The following GRID2 variants were observed in gnomAD, a reference collection of about 807,000 sequenced individuals.
The protein encoded by GRID2 is glutamate ionotropic receptor delta type subunit 2, also known as glutamate receptor ionotropic, delta-2.
A neutral mutation model predicts 114.8 loss-of-function variants in GRID2; 33 were observed. That is an observed-to-expected ratio of 0.29 (90% confidence interval 0.22 to 0.38). GRID2 has a LOEUF of 0.38. Among genes scored for constraint, GRID2 ranks in the 10% least tolerant of loss-of-function variants. The pLI is 1.00. For missense variants in GRID2, 1,184 were observed against 1,257.7 expected (o/e 0.94, Z 0.89); for synonymous variants, 505 against 449.9 (o/e 1.12, Z -1.55).
chr4:92,378,606 T>C (rs1729466573), intron 1 of GRID2, among the ~76,000 whole-genome samples: 1 of 152,076 alleles, frequency 6.6e-6, no homozygotes, highest in South Asian at 2.1e-4. Flanking sequence ...GCACACAACA[T>C]GCACACACCC....
chr4:92,487,744 T>C (rs1722962824), intron 1 of GRID2, among the ~76,000 whole-genome samples: 1 of 142,412 alleles, frequency 7.0e-6, no homozygotes, highest in Admixed American at 6.9e-5. Flanking sequence ...TTTTAAATTG[T>C]TGTGGGTTTT....
chr4:92,917,693 T>G (rs529631063), intron 2 of GRID2, among the ~76,000 whole-genome samples: 15 of 152,336 alleles, frequency 9.8e-5, no homozygotes, highest in African/African-American at 3.4e-4. Context: ...GACTCTCTTC[T>G]GTACCATTGG....
chr4:92,455,591 T>C lies in GRID2; in HGVS notation c.89-134540T>C, dbSNP rs576145092. ...GGAAGAGCGTTCTGGTGAGCAGGAA[T>C]AGAAACATGGAAGAATGCTCTGAAA... On this transcript the variant is annotated intron_variant, in intron 1 of 15. Coordinates refer to ENST00000282020, the MANE Select transcript of GRID2 (RefSeq NM_001510.4). Among the ~76,000 whole-genome samples, 5 of 152,158 alleles carry C rather than the reference T, an allele frequency of 3.3e-5. No individual in the cohort carries two copies. In the East Asian group the frequency reaches 9.7e-4, roughly 29 times the overall value.
At chr4:93,123,962 TG>T (rs1734027606) in intron 4 of GRID2, among the ~76,000 whole-genome samples, 2 of 57,390 alleles carry the variant, frequency 3.5e-5, no homozygotes, top group Admixed American at 2.3e-4. Flanking sequence ...AATTTGAGGT[TG>T]GGGGAGGGGG....
intron 11 of GRID2, among the ~76,000 whole-genome samples, chr4:93,474,743 C>A (rs764781639): frequency 1.3e-5 from 2 of 152,056 alleles, no homozygotes; most frequent in Non-Finnish European, 2.9e-5. Context: ...CCTATGATAG[C>A]CTGTGATCAT....
intron 2 of GRID2, among the ~76,000 whole-genome samples, chr4:92,694,068 G>C (rs1734314213): frequency 6.6e-6 from 1 of 152,180 alleles, no homozygotes; most frequent in South Asian, 2.1e-4. Flanking sequence ...AAGAATACAA[G>C]CATACAAAAC....
intron 13 of GRID2, among the ~76,000 whole-genome samples, chr4:93,516,287 A>G (rs1729724211): frequency 6.6e-6 from 1 of 152,126 alleles, no homozygotes; most frequent in African/African-American, 2.4e-5. Flanking sequence ...CCTAGAGGAT[A>G]TTTTGATGAC....
At chr4:92,803,571 T>C (rs895378805) in intron 2 of GRID2, among the ~76,000 whole-genome samples, 1 of 152,016 alleles carries the variant, frequency 6.6e-6, no homozygotes, top group Non-Finnish European at 1.5e-5. Flanking sequence ...AACCAATCTT[T>C]GTATCTCCTC....
chr4:92,463,425 C>A (rs1441298421), intron 1 of GRID2, among the ~76,000 whole-genome samples: 1 of 151,900 alleles, frequency 6.6e-6, no homozygotes, highest in Non-Finnish European at 1.5e-5. Flanking sequence ...AACAATTTAA[C>A]TAAATTAGGC....
chr4:93,442,990 A>G (rs1241674780), intron 10 of GRID2, among the ~76,000 whole-genome samples: 2 of 152,006 alleles, frequency 1.3e-5, no homozygotes, highest in African/African-American at 4.8e-5. Flanking sequence ...CGCCTTATAT[A>G]CAATGCATCA....
At chr4:93,184,029 C>T (rs1170774806) in intron 4 of GRID2, among the ~76,000 whole-genome samples, 1 of 152,084 alleles carries the variant, frequency 6.6e-6, no homozygotes, top group African/African-American at 2.4e-5. Context: ...AGAAAAGGAG[C>T]AGTAACTGTG....
At chr4:93,091,024 C>A (rs1420209303) in intron 3 of GRID2, among the ~76,000 whole-genome samples, 1 of 152,110 alleles carries the variant, frequency 6.6e-6, no homozygotes, top group Non-Finnish European at 1.5e-5. Flanking sequence ...CTTGAAATCT[C>A]TTTTTGTAAA....
chr4:93,320,250 G>C (rs1757073590), intron 8 of GRID2, among the ~76,000 whole-genome samples: 1 of 152,026 alleles, frequency 6.6e-6, no homozygotes, highest in African/African-American at 2.4e-5. Flanking sequence ...ATGATTATTG[G>C]CATAAAAAAG....
chr4:92,464,998 TC>T (rs1030056830), intron 1 of GRID2, among the ~76,000 whole-genome samples: 8 of 152,110 alleles, frequency 5.3e-5, no homozygotes, highest in Non-Finnish European at 8.8e-5. Flanking sequence ...ACTCTCTCTC[TC>T]TTGCTCTGCC....
intron 2 of GRID2, among the ~76,000 whole-genome samples, chr4:92,981,137 GTGTCATTTTAAAATACTTCCAGTA>G (rs1754183506): frequency 6.6e-6 from 1 of 151,914 alleles, no homozygotes; most frequent in South Asian, 2.1e-4. Flanking sequence ...TGTATCTTTG[GTGTCATTTTAAAATACTTCCAGTA>G]TGTATGTATA....
intron 1 of GRID2, among the ~76,000 whole-genome samples, chr4:92,432,021 A>G (rs564468695): frequency 2.6e-5 from 4 of 152,326 alleles, no homozygotes; most frequent in Admixed American, 6.5e-5. Flanking sequence ...GTGGTCTTGA[A>G]TGAAATCCAG....
intron 2 of GRID2, among the ~76,000 whole-genome samples, chr4:92,813,088 A>C (rs977503589): frequency 6.6e-6 from 1 of 152,098 alleles, no homozygotes; most frequent in African/African-American, 2.4e-5. Context: ...TGAAATGTCA[A>C]ATCTTTATGC....
At chr4:93,488,739 A>C (rs1455920575) in intron 11 of GRID2, among the ~76,000 whole-genome samples, 1 of 151,984 alleles carries the variant, frequency 6.6e-6, no homozygotes, top group Non-Finnish European at 1.5e-5. Context: ...TCAAGGTGTC[A>C]GCCAGTTTGG....
At chr4:93,066,293 T>C (rs1728285938) in intron 2 of GRID2, among the ~76,000 whole-genome samples, 1 of 152,036 alleles carries the variant, frequency 6.6e-6, no homozygotes, top group Non-Finnish European at 1.5e-5. Flanking sequence ...ACTACATCTG[T>C]TCATCTCATT....
Sources: allele counts gnomAD v4.1 joint callset (sites outside exome capture counted in the v4.1 genomes callset), GRCh38; gene constraint gnomAD v4.1.1; transcripts MANE v1.5; gene names NCBI Gene and HGNC (gene_info 2026-07-23, HGNC 2026-07-21).